The following DDOST variants were observed in gnomAD, a reference collection of about 807,000 sequenced individuals.
The protein encoded by DDOST is dolichyl-diphosphooligosaccharide--protein glycosyltransferase non-catalytic subunit.
DDOST carries 25 observed loss-of-function variants against 47.6 expected under a neutral mutation model. The observed-to-expected ratio is 0.53, with a 90% confidence interval of 0.38 to 0.73. The LOEUF is 0.73. Ranked by LOEUF, DDOST falls within the 30% of genes least tolerant of loss-of-function variation. DDOST has a pLI of 0.00. For synonymous variants in DDOST, 275 were observed against 236.0 expected (o/e 1.17, Z -1.51); for missense variants, 526 against 573.9 (o/e 0.92, Z 0.85).
chr1:20,653,568 A>G (rs1388229346), intron 8 of DDOST, 59 bp downstream of exon 8: 4 of 1,508,138 alleles, frequency 2.7e-6, no homozygotes, highest in East Asian at 2.3e-5. Context: ...AGTGCTTCTG[A>G]GCTGAGCTCA....
At chr1:20,654,573 T>C (rs1421476827) in intron 6 of DDOST, 41 bp downstream of exon 6, 1 of 1,513,882 alleles carries the variant, frequency 6.6e-7, no homozygotes, top group Non-Finnish European at 9.0e-7. Flanking sequence ...GCTGTTCTGC[T>C]TCATTTTTAT....
rs1428949447 is a variant in DDOST at position 20,660,970 on chromosome 1, A to G, written c.176T>C (p.Phe59Ser). Residue 59 changes from phenylalanine (F) to serine (S), a missense_variant, in exon 2 of 11, where the codon TTC becomes TCC. Physicochemically the swap from Phe to Ser is radical, Grantham distance 155. Coordinates refer to ENST00000602624, the MANE Select transcript of DDOST (RefSeq NM_005216.5). ...CAGGCTGGGGTCATCAGCGGTCTTG[A>G]ATGTGAGCTCAAAGCCCCGGTCTGG... ...SLKDRGFELT[F>S]KTADDPSLSL... 1.2e-6 allele frequency: 2 copies of G among 1,613,752 alleles called. No homozygotes were observed. Among genetic ancestry groups the G allele is most frequent in the Non-Finnish European group, 1.7e-6 (2 of 1,179,686 alleles).
At chr1:20,656,872 C>G (rs186325233) in intron 2 of DDOST, among the ~76,000 whole-genome samples, 2 of 152,358 alleles carry the variant, frequency 1.3e-5, no homozygotes, top group East Asian at 3.9e-4. Context: ...GCATCTAAAA[C>G]TAGCACTGGG....
chr1:20,653,692 G>C lies in DDOST; in HGVS notation c.877C>G (p.Pro293Ala). 6.2e-7 allele frequency: 1 copy of C among 1,614,064 alleles called. No homozygotes were observed. The highest frequency in any genetic ancestry group is 8.5e-7 in the Non-Finnish European group (1 of 1,179,966). The change falls in exon 8 of 11, where the codon CCT (proline) becomes GCT (alanine). Residue 293 changes from proline (P) to alanine (A), a missense_variant. By Grantham distance (27) the Pro-to-Ala change is conservative (BLOSUM62 -1). Coordinates refer to ENST00000602624, the MANE Select transcript of DDOST (RefSeq NM_005216.5). ...FKEEGVLRVG[P>A]VSHHRVGETA... is the part of the protein sequence containing the mutation. Reference sequence around the variant, plus strand: ...TCGCCCACCCGATGATGGGACACAGGCCCCACACGGAGGACACCCTCCTCC... The same window carrying C: ...TCGCCCACCCGATGATGGGACACAGCCCCCACACGGAGGACACCCTCCTCC...
At chr1:20,655,593 A>G in intron 4 of DDOST, 59 bp from the exon 5 acceptor site, 1 of 1,589,976 alleles carries the variant, frequency 6.3e-7, no homozygotes, top group South Asian at 1.1e-5. Flanking sequence ...GCCAGGGAGA[A>G]CCTCCTCACA....
At chr1:20,659,141 AGCTATCAT>A (rs1161763095) in intron 2 of DDOST, among the ~76,000 whole-genome samples, 1 of 149,508 alleles carries the variant, frequency 6.7e-6, no homozygotes, top group African/African-American at 2.5e-5. Context: ...TACAGGGATA[AGCTATCAT>A]ACCTAGCCTT....
At position 20,652,738 on chromosome 1, in the gene DDOST, A is replaced by G. The variant is rs1342207706; in HGVS notation, c.1064-11T>C. ...CACTGTATTTGCCACCTGCGGAAGA[A>G]CCAACAAGAATAACCGGGAGGGGTT... is the stretch of plus-strand genomic sequence containing the variant. On this transcript the variant is annotated splice_polypyrimidine_tract_variant and intron_variant, in intron 9 of 10. Transcript: ENST00000602624. The G allele has an allele frequency of 6.2e-7, 1 of 1,613,960 alleles. No individual in the cohort carries two copies. The highest frequency in any genetic ancestry group is 1.3e-5 in the African/African-American group (1 of 74,920).
chr1:20,654,719 CGA>C lies in DDOST; in HGVS notation c.552-14_552-13del. 3 of 1,545,920 alleles carry C rather than the reference CGA, an allele frequency of 1.9e-6. No homozygotes were observed. Among genetic ancestry groups the C allele is most frequent in the Non-Finnish European group, 2.6e-6 (3 of 1,141,942 alleles). ...GATCGGCCACCATCCTGCAGCAGGA[CGA>C]GAGCAGCCCAGCACTGGCCCCAGGA... On this transcript the variant is annotated splice_polypyrimidine_tract_variant and intron_variant, in intron 5 of 10. Coordinates refer to ENST00000602624, the MANE Select transcript of DDOST (RefSeq NM_005216.5).
intron 2 of DDOST, among the ~76,000 whole-genome samples, chr1:20,659,025 T>C (rs970709673): frequency 2.6e-5 from 4 of 151,682 alleles, no homozygotes; most frequent in African/African-American, 9.7e-5. Flanking sequence ...CCGGCTAATT[T>C]TGTTCATTTT....
rs1310238417 is a variant in DDOST at position 20,652,284 on chromosome 1, T to G, written c.*95A>C. 75 of 1,316,242 alleles carry G rather than the reference T, an allele frequency of 5.7e-5. No individual in the cohort carries two copies. Among genetic ancestry groups the G allele is most frequent in the Non-Finnish European group, 7.0e-5 (69 of 990,636 alleles). 81.5% of individuals were successfully genotyped at this position (1,316,242 alleles called of 1,614,324 possible). ...CCACAGAGGTAAAGTTGTGCCATTTTCCCACGGCTTTAAACAAAGCAAAAC... is the reference window on the plus strand; with the variant it reads ...CCACAGAGGTAAAGTTGTGCCATTTGCCCACGGCTTTAAACAAAGCAAAAC... On this transcript the variant is annotated 3_prime_UTR_variant, in exon 11 of 11. Transcript: ENST00000602624.
In DDOST at chr1:20,654,330, C is replaced by T. The variant is rs1273385784; in HGVS notation, c.687G>A (p.Gly229=). ...AVGKNTLLIA[G]LQARNNARVI... is the part of the protein sequence containing the mutation. ...CGCGGGCATTGTTCCTGGCCTGGAG[C>T]CCAGCAATGAGGAGGGTGTTCTTCC... The change falls in exon 7 of 11, where the codon GGG becomes GGA. Residue 229 remains glycine (G), a synonymous_variant. Coordinates refer to ENST00000602624, the MANE Select transcript of DDOST (RefSeq NM_005216.5). 4 of 1,557,550 alleles carry T rather than the reference C, an allele frequency of 2.6e-6. No homozygotes were observed. The highest frequency in any genetic ancestry group is 1.9e-5 in the Admixed American group (1 of 52,074).
chr1:20,660,182 A>T (rs1357833245), intron 2 of DDOST, among the ~76,000 whole-genome samples: 1 of 152,254 alleles, frequency 6.6e-6, no homozygotes, highest in Non-Finnish European at 1.5e-5. Context: ...AAACAAGATA[A>T]GCATTCTATC....
chr1:20,652,731 C>T lies in DDOST; in HGVS notation c.1064-4G>A, dbSNP rs759192970. 17 of 1,614,090 alleles carry T rather than the reference C, an allele frequency of 1.1e-5. No homozygotes were observed. Among genetic ancestry groups the T allele is most frequent in the East Asian group, 6.7e-5 (3 of 44,882 alleles). ...AACTGAACACTGTATTTGCCACCTGCGGAAGAACCAACAAGAATAACCGGG... is the reference window on the plus strand; with the variant it reads ...AACTGAACACTGTATTTGCCACCTGTGGAAGAACCAACAAGAATAACCGGG... On this transcript the variant is annotated splice_polypyrimidine_tract_variant and splice_region_variant and intron_variant, in intron 9 of 10. Coordinates refer to ENST00000602624, the MANE Select transcript of DDOST (RefSeq NM_005216.5).
At chr1:20,654,562 T>C (rs1359218077) in intron 6 of DDOST, 52 bp downstream of exon 6, 15 of 1,484,526 alleles carry the variant, frequency 1.0e-5, no homozygotes, top group South Asian at 4.8e-5. Context: ...CAGCCAAATG[T>C]GCTGTTCTGC....
chr1:20,658,103 C>T (rs996359059), intron 2 of DDOST, among the ~76,000 whole-genome samples: 6 of 152,212 alleles, frequency 3.9e-5, no homozygotes, highest in African/African-American at 1.4e-4. Context: ...TGACAGAACA[C>T]GGGCTTTGAA....
At position 20,652,433 on chromosome 1, in the gene DDOST, G is replaced by C; in HGVS notation, c.1266C>G (p.Leu422=). Residue 422 remains leucine, a synonymous_variant, in exon 11 of 11, where the codon CTC becomes CTG. Coordinates refer to ENST00000602624, the MANE Select transcript of DDOST (RefSeq NM_005216.5). ...GCAAGAAGACGATGCTGAAGATGAA[G>C]AGCCCCAGCATCATGGAGAAGGCGC... ...YASAFSMMLG[L]FIFSIVFLHM... is the part of the protein sequence containing the mutation. 1 of 1,613,974 alleles carries C rather than the reference G, an allele frequency of 6.2e-7. No individual in the cohort carries two copies.
chr1:20,660,215 C>G (rs1427842239), intron 2 of DDOST, among the ~76,000 whole-genome samples: 48 of 152,114 alleles, frequency 3.2e-4, no homozygotes, highest in Admixed American at 3.1e-3. Context: ...TGCTGGGGAG[C>G]ATAAGAACAA....
In DDOST at chr1:20,651,801, T is replaced by TTTTTTTTATTTATTTATTATTTA. The variant is rs886045853; in HGVS notation, c.*577_*578insTAAATAATAAATAAATAAAAAAA. 6.8e-5 allele frequency: 10 copies of TTTTTTTTATTTATTTATTATTTA among 147,120 alleles called. No individual in the cohort carries two copies. The highest frequency in any genetic ancestry group is 4.0e-4 in the East Asian group (2 of 4,962). 9.1% of individuals were successfully genotyped at this position (147,120 alleles called of 1,614,324 possible). ...GTTTGAGGGCAACATCTCGCTTTAT[T>TTTTTTTTATTTATTTATTATTTA]TTTATTTATTTATTTATTTATTTAT... On this transcript the variant is annotated 3_prime_UTR_variant, in exon 11 of 11. Transcript: ENST00000602624.
chr1:20,652,462 C>A lies in DDOST; in HGVS notation c.1237G>T (p.Ala413Ser). 3 of 1,613,872 alleles carry A rather than the reference C, an allele frequency of 1.9e-6. No homozygotes were observed. The highest frequency in any genetic ancestry group is 3.3e-4 in the Middle Eastern group (2 of 6,060). The change falls in exon 11 of 11, where the codon GCC (alanine) becomes TCC (serine). Residue 413 changes from alanine (A) to serine (S), a missense_variant. Transcript: ENST00000602624. ...CCCAGCATCATGGAGAAGGCGCTGGCGTAGTAGGGGTAGGCCGAGGGGATG... is the reference window on the plus strand; with the variant it reads ...CCCAGCATCATGGAGAAGGCGCTGGAGTAGTAGGGGTAGGCCGAGGGGATG... Reference protein sequence around the residue: ...RFIPSAYPYYASAFSMMLGLF... With the variant: ...RFIPSAYPYYSSAFSMMLGLF...
Sources: allele counts gnomAD v4.1 joint callset (sites outside exome capture counted in the v4.1 genomes callset), GRCh38; gene constraint gnomAD v4.1.1; transcripts MANE v1.5; gene names NCBI Gene and HGNC (gene_info 2026-07-23, HGNC 2026-07-21).